Variants in SRA1 observed in about 807,000 individuals in gnomAD.
SRA1 encodes lncRNA SRA.
In SRA1, 25 loss-of-function variants were observed where a neutral mutation model predicts 24.3. The ratio of observed to expected loss-of-function variants is 1.03; its 90% CI spans 0.75 to 1.43. The LOEUF is 1.43. Ranked by LOEUF, SRA1 falls within the 40% of genes most tolerant of loss-of-function variation. The pLI is 0.00. For synonymous variants in SRA1, 104 were observed against 109.5 expected, an observed-to-expected ratio of 0.95 and a Z score of 0.31; for missense variants, 303 against 286.6, an observed-to-expected ratio of 1.06 and a Z score of -0.41.
rs201385124 is a variant in SRA1 at position 140,550,924 on chromosome 5, G to A, written c.464-13C>T. ...TGGCTTGAAAGCTCTGAAGAGAGAC[G>A]GGGGTTGAGCAAGCAGCCTGTGGTA... On this transcript the variant is annotated splice_polypyrimidine_tract_variant and intron_variant, in intron 4 of 4. Transcript: ENST00000336283. The A allele has an allele frequency of 8.1e-6, 13 of 1,612,520 alleles. No individual in the cohort carries two copies. The East Asian group carries it at 1.3e-4, about 17-fold the overall frequency.
At chr5:140,557,320 G>T (rs962567554) in intron 1 of SRA1, 48 bp from the exon 2 acceptor site, 1 of 1,606,162 alleles carries the variant, frequency 6.2e-7, no homozygotes, top group Non-Finnish European at 8.5e-7. Flanking sequence ...TCCACTGTTA[G>T]CTTATACTGG....
intron 2 of SRA1, among the ~76,000 whole-genome samples, chr5:140,552,596 T>A (rs181342804): frequency 3.3e-5 from 5 of 150,938 alleles, no homozygotes; most frequent in Admixed American, 2.0e-4. Flanking sequence ...GAGGTTGTGG[T>A]GAGCTGAGAT....
intron 2 of SRA1, among the ~76,000 whole-genome samples, chr5:140,552,416 G>A (rs906470503): frequency 6.6e-6 from 1 of 152,208 alleles, no homozygotes; most frequent in African/African-American, 2.4e-5. Context: ...ACTTTGGGAG[G>A]CTGAGGCAGA....
At chr5:140,551,245 T>C (rs1754553082) in intron 3 of SRA1, 76 bp from the exon 4 acceptor site, 4 of 1,139,890 alleles carry the variant, frequency 3.5e-6, no homozygotes, top group Admixed American at 2.0e-5. Flanking sequence ...CAGCACCACA[T>C]AGGAAGCACC....
intron 2 of SRA1, among the ~76,000 whole-genome samples, chr5:140,556,447 A>C (rs1754697873): frequency 6.6e-6 from 1 of 152,156 alleles, no homozygotes; most frequent in South Asian, 2.1e-4. Context: ...GCCACTCTGT[A>C]TTTCATCAGT....
chr5:140,557,335 G>T (rs373212083), intron 1 of SRA1, 63 bp from the exon 2 acceptor site: 4 of 1,604,328 alleles, frequency 2.5e-6, no homozygotes, highest in Non-Finnish European at 3.4e-6. Flanking sequence ...TACTGGGGCT[G>T]GGGGAGACAG....
rs150436968 is a variant in SRA1 at position 140,555,935 on chromosome 5, T to C, written c.151+1212A>G. 9.7e-4 allele frequency among the ~76,000 whole-genome samples: 148 copies of C among 152,356 alleles called. 1 individual carries two copies. In the South Asian group the frequency reaches 0.01, roughly 11 times the overall value. On this transcript the variant is annotated intron_variant, in intron 2 of 4. Coordinates refer to ENST00000336283, the MANE Select transcript of SRA1 (RefSeq NM_001035235.4). Reference sequence around the variant, plus strand: ...CCTATATTACCATAATAGCTGTAATTTGTCTTTCCACTTCCCTAAAATCTT... The same window carrying C: ...CCTATATTACCATAATAGCTGTAATCTGTCTTTCCACTTCCCTAAAATCTT...
At chr5:140,557,388 G>A in intron 1 of SRA1, 40 bp downstream of exon 1, 1 of 1,599,842 alleles carries the variant, frequency 6.3e-7, no homozygotes, top group Non-Finnish European at 8.5e-7. Context: ...GCCTAGGCCG[G>A]GGCGACAACC....
chr5:140,551,417 C>T (rs1442538703), intron 3 of SRA1: 6 of 440,802 alleles, frequency 1.4e-5, no homozygotes, highest in African/African-American at 9.8e-5. Flanking sequence ...CTCTCATCTT[C>T]CCACCACCAG....
chr5:140,550,699 A>C lies in SRA1; in HGVS notation c.*1T>G, dbSNP rs774787401. On this transcript the variant is annotated 3_prime_UTR_variant, in exon 5 of 5. Coordinates refer to ENST00000336283, the MANE Select transcript of SRA1 (RefSeq NM_001035235.4). ...GTCCGGTGAGTCTGGGGAACCGAGG[A>C]TTATGAAGCCTGCTGGAAGCCTGGT... The C allele has an allele frequency of 6.2e-7, 1 of 1,613,938 alleles. No homozygotes were observed. Among genetic ancestry groups the C allele is most frequent in the South Asian group, 1.1e-5 (1 of 91,040 alleles).
At chr5:140,552,807 A>T (rs184027039) in intron 2 of SRA1, among the ~76,000 whole-genome samples, 43 of 152,318 alleles carry the variant, frequency 2.8e-4, no homozygotes, top group Non-Finnish European at 1.5e-4. Flanking sequence ...TCATCTCTAT[A>T]AAAAAATTTT....
intron 3 of SRA1, chr5:140,551,750 C>A (rs1754567691): frequency 2.2e-6 from 1 of 452,286 alleles, no homozygotes; most frequent in Non-Finnish European, 3.9e-6. Flanking sequence ...GAGCTGAATT[C>A]AACTCTTGTT....
At chr5:140,552,760 A>G (rs1302489765) in intron 2 of SRA1, among the ~76,000 whole-genome samples, 2 of 152,182 alleles carry the variant, frequency 1.3e-5, no homozygotes, top group African/African-American at 4.8e-5. Context: ...ACCTGAGCTC[A>G]GGAGTTCAAA....
Position 140,550,830 on chromosome 5 carries a change from CACTG to C in SRA1, c.541_544del (p.Gln181GlyfsTer3). On this transcript the variant is annotated frameshift_variant, in exon 5 of 5. Transcript: ENST00000336283. LOFTEE classifies it high-confidence loss of function. ...AATTAATCTTTTAACTCCTACCATC[CACTG>C]ACTGACCTCAGTCACATGGTCAACC... is the stretch of plus-strand genomic sequence containing the variant. 5 of 1,614,170 alleles carry C rather than the reference CACTG, an allele frequency of 3.1e-6. No homozygotes were observed. Among genetic ancestry groups the C allele is most frequent in the Non-Finnish European group, 4.2e-6 (5 of 1,180,014 alleles).
At chr5:140,552,350 G>T (rs559211581) in intron 2 of SRA1, among the ~76,000 whole-genome samples, 166 bp from the exon 3 acceptor site, 1 of 152,330 alleles carries the variant, frequency 6.6e-6, no homozygotes, top group South Asian at 2.1e-4. Flanking sequence ...AGGCACTAAA[G>T]ATTAGAAAAG....
intron 2 of SRA1, among the ~76,000 whole-genome samples, chr5:140,556,592 T>G (rs1412724366): frequency 6.6e-6 from 1 of 152,150 alleles, no homozygotes; most frequent in African/African-American, 2.4e-5. Context: ...CACCGCTTAT[T>G]TTCTGTAGCA....
chr5:140,557,499 G>GC, upstream of SRA1: 1 of 1,539,818 alleles, frequency 6.5e-7, no homozygotes, highest in Non-Finnish European at 8.7e-7. Context: ...TTCCGGGGCG[G>GC]CCCCTCACGC....
intron 2 of SRA1, among the ~76,000 whole-genome samples, chr5:140,556,763 G>T (rs759690562): frequency 1.3e-4 from 19 of 151,772 alleles, no homozygotes; most frequent in Non-Finnish European, 2.8e-4. Flanking sequence ...TTAAATGAAT[G>T]AAAAACTGTG....
At position 140,557,443 on chromosome 5, in the gene SRA1, G is replaced by C. The variant is rs764690490; in HGVS notation, c.10C>G (p.Leu4Val). MAE[L>V]YVKPGNKERG... ...CTGCGCTCACCCGGCTTCACGTACA[G>C]CTCCGCCATCTCCACTTCCGCTTGG... Residue 4 changes from leucine (L) to valine (V), a missense_variant, in exon 1 of 5, where the codon CTG becomes GTG. By Grantham distance (32) the Leu-to-Val change is conservative (BLOSUM62 1). Transcript: ENST00000336283. The C allele has an allele frequency of 8.3e-6, 13 of 1,564,072 alleles. No homozygotes were observed. In the Admixed American group the frequency reaches 1.7e-4, roughly 21 times the overall value.
Sources: allele counts gnomAD v4.1 joint callset (sites outside exome capture counted in the v4.1 genomes callset), GRCh38; gene constraint gnomAD v4.1.1; transcripts MANE v1.5; gene names NCBI Gene and HGNC (gene_info 2026-07-23, HGNC 2026-07-21).